Variants in CDKL4 observed in about 807,000 individuals in gnomAD.
CDKL4 encodes the protein cyclin dependent kinase like 4.
In CDKL4, 44 loss-of-function variants were observed where a neutral mutation model predicts 42.0. The ratio of observed to expected loss-of-function variants is 1.05; its 90% confidence interval spans 0.82 to 1.35. The LOEUF is 1.35. CDKL4 is among the 40% of genes most tolerant of loss of function. The probability of loss-of-function intolerance (pLI) is 0.00; values close to 1 mark genes in which losing one functional copy is unlikely to be tolerated. For missense variants in CDKL4, 393 were observed against 369.9 expected (o/e 1.06, Z -0.51); for synonymous variants, 120 against 121.6 (o/e 0.99, Z 0.09).
At chr2:39,177,256 G>C (rs577006630) in intron 9 of CDKL4, among the ~76,000 whole-genome samples, 1 of 152,254 alleles carries the variant, frequency 6.6e-6, no homozygotes, top group Non-Finnish European at 1.5e-5. Flanking sequence ...GCTGTGAAGG[G>C]AGAGCAGCAC....
At chr2:39,220,490 G>A (rs759681421) in intron 3 of CDKL4, among the ~76,000 whole-genome samples, 1 of 152,190 alleles carries the variant, frequency 6.6e-6, no homozygotes, top group East Asian at 1.9e-4. Context: ...AATGTATGAA[G>A]AAATGGATTT....
intron 5 of CDKL4, among the ~76,000 whole-genome samples, chr2:39,203,543 T>C (rs1341313839): frequency 1.3e-5 from 2 of 152,202 alleles, no homozygotes; most frequent in Admixed American, 1.3e-4. Context: ...GTCATATATA[T>C]TTCAGTAATT....
upstream of CDKL4, among the ~76,000 whole-genome samples, chr2:39,245,199 C>G (rs1679860182): frequency 6.6e-6 from 1 of 152,152 alleles, no homozygotes; most frequent in African/African-American, 2.4e-5. Flanking sequence ...GGGTCCACGC[C>G]GCTTTTATGA....
chr2:39,206,874 T>C (rs545959897), intron 4 of CDKL4, among the ~76,000 whole-genome samples: 6 of 152,170 alleles, frequency 3.9e-5, no homozygotes, highest in Admixed American at 3.3e-4. Context: ...AAACTGACAA[T>C]TCTGAAATGA....
chr2:39,185,406 GTATATATACATATATATATACATA>G lies in CDKL4; in HGVS notation c.736-783_736-760del, dbSNP rs1558547532. 2.1e-4 allele frequency among the ~76,000 whole-genome samples: 3 copies of G among 14,484 alleles called. 1 individual carries two copies. The highest frequency in any genetic ancestry group is 3.0e-4 in the Non-Finnish European group (1 of 3,320). The allele number at this position is 14,484 out of a possible 152,430, so 9.5% of individuals were successfully genotyped here. A position where few individuals can be genotyped will look rare whatever the true frequency, so the allele number is the denominator to read the frequency against. On this transcript the variant is annotated intron_variant, in intron 7 of 9. Coordinates refer to ENST00000451199, the Ensembl canonical transcript of CDKL4. Reference sequence around the variant, plus strand: ...TATATACATGTATATATACATATGTGTATATATACATATATATATACATATGTATATATACATGTATATATACAT... The same window carrying G: ...TATATACATGTATATATACATATGTGTGTATATATACATGTATATATACAT...
upstream of CDKL4, among the ~76,000 whole-genome samples, chr2:39,247,020 G>A (rs1679940784): frequency 6.6e-6 from 1 of 152,160 alleles, no homozygotes; most frequent in Non-Finnish European, 1.5e-5. Context: ...TGGGATTAGA[G>A]ATTTGAGCCA....
rs567704144 is a variant in CDKL4, at chr2:39,193,810, C to G, written c.455-3308G>C. On this transcript the variant is annotated intron_variant, in intron 5 of 9. Transcript: ENST00000451199. The stretch of plus-strand genomic sequence containing the variant: ...TGAACCTTTTGGAATAGAATTGGGA[C>G]CAGTCTGTGTGTGCAGCTATGTGTT... 2.6e-4 allele frequency among the ~76,000 whole-genome samples: 39 copies of G among 152,270 alleles called. No homozygotes were observed. In the East Asian group the frequency reaches 7.5e-3, roughly 29 times the overall value.
rs1204978166 is a variant in CDKL4 at position 39,197,868 on chromosome 2, A to ATATTTGAAATATATTT, written c.454+6658_454+6659insAAATATATTTCAAATA. On this transcript the variant is annotated intron_variant, in intron 5 of 9. Coordinates refer to ENST00000451199, the Ensembl canonical transcript of CDKL4. The stretch of plus-strand genomic sequence containing the variant: ...AAATCTTGAAACAAATATTTGAAAT[A>ATATTTGAAATATATTT]CACCAAAATAGAATCTCCTTAAAGC... Among the ~76,000 whole-genome samples, 1,097 of 152,296 alleles carry ATATTTGAAATATATTT rather than the reference A, an allele frequency of 7.2e-3. 10 individuals carry two copies. Among genetic ancestry groups the ATATTTGAAATATATTT allele is most frequent in the African/African-American group, 0.025 (1,047 of 41,546 alleles).
intron 5 of CDKL4, among the ~76,000 whole-genome samples, chr2:39,193,854 T>C (rs553420713): frequency 6.6e-6 from 1 of 152,352 alleles, no homozygotes; most frequent in East Asian, 1.9e-4. Flanking sequence ...CTTAGCCCCA[T>C]GTTGTGAGCT....
intron 1 of CDKL4, among the ~76,000 whole-genome samples, chr2:39,231,262 G>A (rs949925202): frequency 1.3e-4 from 20 of 152,138 alleles, no homozygotes; most frequent in African/African-American, 4.3e-4. Context: ...TGTATAATTC[G>A]AAGAACCACT....
intron 1 of CDKL4, among the ~76,000 whole-genome samples, chr2:39,239,810 C>A (rs1234969746): frequency 6.6e-6 from 1 of 152,214 alleles, no homozygotes; most frequent in African/African-American, 2.4e-5. Flanking sequence ...AAACATAGGG[C>A]CAGGCATGGT....
At chr2:39,185,166 G>A (rs1399547979) in intron 7 of CDKL4, among the ~76,000 whole-genome samples, 11 of 118,758 alleles carry the variant, frequency 9.3e-5, no homozygotes, top group African/African-American at 3.8e-4. Context: ...ATACACATAT[G>A]TATATATATA....
intron 7 of CDKL4, among the ~76,000 whole-genome samples, chr2:39,185,159 CACATATGTATATAT>C (rs1572945124): frequency 1.5e-5 from 2 of 131,368 alleles, no homozygotes; most frequent in East Asian, 2.2e-4. Context: ...TATATATATA[CACATATGTATATAT>C]ATACATATGT....
At chr2:39,176,963 A>G (rs1473094702) in intron 9 of CDKL4, among the ~76,000 whole-genome samples, 1 of 152,084 alleles carries the variant, frequency 6.6e-6, no homozygotes, top group Non-Finnish European at 1.5e-5. Context: ...CTCCCTGGGC[A>G]CCTCACTTGA....
At chr2:39,228,671 G>A (rs1678907885) in intron 2 of CDKL4, among the ~76,000 whole-genome samples, 2 of 152,116 alleles carry the variant, frequency 1.3e-5, no homozygotes, top group Non-Finnish European at 2.9e-5. Flanking sequence ...AAGGTCCCCG[G>A]GGATTCCAAT....
intron 4 of CDKL4, among the ~76,000 whole-genome samples, chr2:39,211,661 A>G (rs1160528392): frequency 6.6e-6 from 1 of 151,994 alleles, no homozygotes; most frequent in Non-Finnish European, 1.5e-5. Context: ...CCAATTATTA[A>G]ATGCAGAAGG....
chr2:39,220,955 C>T (rs142463394), intron 3 of CDKL4, among the ~76,000 whole-genome samples: 83 of 122,848 alleles, frequency 6.8e-4, no homozygotes, highest in East Asian at 2.8e-3. Flanking sequence ...TGGCTCAATC[C>T]GCATTCACTA....
At chr2:39,221,974 C>T (rs953212843) in intron 3 of CDKL4, among the ~76,000 whole-genome samples, 2 of 152,222 alleles carry the variant, frequency 1.3e-5, no homozygotes, top group Non-Finnish European at 2.9e-5. Flanking sequence ...CTCTTCATCA[C>T]ATTTTAAGCT....
At chr2:39,208,895 G>T (rs1338393725) in intron 4 of CDKL4, among the ~76,000 whole-genome samples, 1 of 151,780 alleles carries the variant, frequency 6.6e-6, no homozygotes, top group African/African-American at 2.4e-5. Flanking sequence ...CCTTAGGCAT[G>T]GATGCTCACA....
Sources: allele counts gnomAD v4.1 joint callset (sites outside exome capture counted in the v4.1 genomes callset), GRCh38; gene constraint gnomAD v4.1.1; transcripts MANE v1.5; gene names NCBI Gene and HGNC (gene_info 2026-07-23, HGNC 2026-07-21).